EOGT: variants seen among roughly 807,000 people sequenced by gnomAD.
The protein encoded by EOGT is EGF domain-specific O-linked N-acetylglucosamine transferase.
A neutral mutation model predicts 70.5 loss-of-function variants in EOGT; 55 were observed. The observed-to-expected ratio is 0.78, with a 90% CI of 0.63 to 0.98. The LOEUF is 0.98. Among genes scored for constraint, EOGT ranks in the 50% least tolerant of loss-of-function variants. The pLI is 0.00. For missense variants in EOGT, 703 were observed against 641.9 expected (o/e 1.10, Z -1.03); for synonymous variants, 246 against 217.1 (o/e 1.13, Z -1.17).
intron 16 of EOGT, 114 bp downstream of exon 16, chr3:68,979,553 AC>A: frequency 8.5e-7 from 1 of 1,169,662 alleles, no homozygotes; most frequent in Non-Finnish European, 1.2e-6. Context: ...ATATGATGTG[AC>A]TTCTCTTTTT....
chr3:68,979,879 A>T, intron 15 of EOGT, 92 bp from the exon 16 acceptor site: 1 of 1,294,600 alleles, frequency 7.7e-7, no homozygotes, highest in Non-Finnish European at 1.1e-6. Context: ...GATATTTATA[A>T]AAGTGTATTG....
intron 6 of EOGT, 34 bp from the exon 7 acceptor site, chr3:69,005,268 A>C (rs1440608563): frequency 8.0e-7 from 1 of 1,254,362 alleles, no homozygotes; most frequent in Non-Finnish European, 1.2e-6. Flanking sequence ...AATGACTCTG[A>C]GTATTAACAC....
rs2090581250 is a variant in EOGT at position 68,979,752 on chromosome 3, T to G, written c.1250A>C (p.His417Pro). ...CATTCCAATAAATATGTCCGTGTTG[T>G]GTGTGATCCTTAGTTGATCTAAAAA... The part of the protein sequence containing the change: ...LGFLDQLRIT[H>P]NTDIFIGMHG... Residue 417 changes from histidine (H) to proline (P), a missense_variant, in exon 16 of 18, where the codon CAC (histidine) becomes CCC (proline). Transcript: ENST00000383701. 1 of 1,613,646 alleles carries G rather than the reference T, an allele frequency of 6.2e-7. No individual in the cohort carries two copies. Among genetic ancestry groups the G allele is most frequent in the African/African-American group, 1.3e-5 (1 of 75,014 alleles).
chr3:69,000,529 T>C (rs1420953969), intron 9 of EOGT, among the ~76,000 whole-genome samples: 2 of 152,192 alleles, frequency 1.3e-5, no homozygotes, highest in South Asian at 2.1e-4. Context: ...AATTTAATAC[T>C]TTGTAATATA....
At chr3:68,993,911 G>A (rs2091069130) in intron 10 of EOGT, among the ~76,000 whole-genome samples, 2 of 152,190 alleles carry the variant, frequency 1.3e-5, no homozygotes, top group South Asian at 2.1e-4. Flanking sequence ...GAATAACACA[G>A]GAAAGACTGG....
chr3:68,994,393 T>C (rs2091086004), intron 10 of EOGT, among the ~76,000 whole-genome samples: 1 of 152,072 alleles, frequency 6.6e-6, no homozygotes. Context: ...CAGTTACCCT[T>C]GGGGGAACAG....
intron 15 of EOGT, among the ~76,000 whole-genome samples, chr3:68,982,144 G>A (rs1346651437): frequency 6.6e-6 from 1 of 152,056 alleles, no homozygotes; most frequent in Non-Finnish European, 1.5e-5. Context: ...CCTGAGCCCA[G>A]GCAATCCACC....
At chr3:69,009,579 TG>T in intron 4 of EOGT, 57 bp downstream of exon 4, 1 of 1,393,894 alleles carries the variant, frequency 7.2e-7, no homozygotes, top group South Asian at 1.2e-5. Flanking sequence ...AAGCAGAACC[TG>T]TAAGCCAGCT....
chr3:68,993,341 C>T (rs906578251), intron 10 of EOGT, among the ~76,000 whole-genome samples: 1 of 152,180 alleles, frequency 6.6e-6, no homozygotes, highest in African/African-American at 2.4e-5. Flanking sequence ...TCATCTCTCT[C>T]AAGTTCAAAG....
chr3:68,984,313 A>G (rs1280095815), intron 14 of EOGT, among the ~76,000 whole-genome samples: 1 of 152,158 alleles, frequency 6.6e-6, no homozygotes, highest in Non-Finnish European at 1.5e-5. Flanking sequence ...TTGAAGGGGT[A>G]AGAAGATTAG....
chr3:68,978,571 A>C, intron 16 of EOGT, 136 bp from the exon 17 acceptor site: 2 of 588,280 alleles, frequency 3.4e-6, no homozygotes, highest in Non-Finnish European at 6.0e-6. Context: ...AAGACAGTAA[A>C]CAAGACTGAG....
intron 10 of EOGT, among the ~76,000 whole-genome samples, chr3:68,993,175 G>T (rs2091044929): frequency 6.6e-6 from 1 of 152,148 alleles, no homozygotes; most frequent in South Asian, 2.1e-4. Flanking sequence ...ATTCTCCCCA[G>T]AAAGTTGGTT....
At chr3:69,009,933 C>CAAAAAAAAAAA in intron 3 of EOGT, 73 bp from the exon 4 acceptor site, 24 of 255,146 alleles carry the variant, frequency 9.4e-5, no homozygotes, top group South Asian at 4.7e-4. Flanking sequence ...ACAACAACAA[C>CAAAAAAAAAAA]AAAAAAAAAA....
Position 68,994,174 on chromosome 3 carries a change from A to G in EOGT, c.831+3837T>C, listed in dbSNP as rs572107212. On this transcript the variant is annotated intron_variant, in intron 10 of 17. Coordinates refer to ENST00000383701, the MANE Select transcript of EOGT (RefSeq NM_001278689.2). ...ATGACTATATTGTCATAACACATAT[A>G]TAACACATATATGGAAAAGAATAGC... is the stretch of plus-strand genomic sequence containing the variant. Among the ~76,000 whole-genome samples the G allele has an allele frequency of 1.8e-4, 28 of 152,328 alleles. 1 individual carries two copies. Among genetic ancestry groups the G allele is most frequent in the African/African-American group, 6.7e-4 (28 of 41,580 alleles).
intron 14 of EOGT, among the ~76,000 whole-genome samples, chr3:68,986,482 C>A (rs1428966169): frequency 2.6e-5 from 4 of 152,202 alleles, no homozygotes; most frequent in Non-Finnish European, 5.9e-5. Context: ...CATGCCTGAC[C>A]TCTTGGATAT....
intron 10 of EOGT, among the ~76,000 whole-genome samples, chr3:68,995,149 C>G (rs903223644): frequency 2.0e-5 from 3 of 152,176 alleles, no homozygotes; most frequent in Admixed American, 2.0e-4. Flanking sequence ...CCAAGACCAT[C>G]AGGACTCTGG....
At chr3:68,985,420 T>A (rs2090777090) in intron 14 of EOGT, among the ~76,000 whole-genome samples, 1 of 152,138 alleles carries the variant, frequency 6.6e-6, no homozygotes, top group African/African-American at 2.4e-5. Flanking sequence ...TTAGTCTGTG[T>A]AAAATATTTT....
intron 6 of EOGT, among the ~76,000 whole-genome samples, chr3:69,005,818 T>C: frequency 6.6e-6 from 1 of 152,256 alleles, no homozygotes; most frequent in Non-Finnish European, 1.5e-5. Flanking sequence ...ATCTGGGTTA[T>C]GCTCAGAACT....
chr3:68,990,077 T>C (rs1001570127), intron 10 of EOGT, among the ~76,000 whole-genome samples: 7 of 152,186 alleles, frequency 4.6e-5, no homozygotes, highest in Non-Finnish European at 7.3e-5. Context: ...ATAATAATAA[T>C]AGCATCTTAC....
Sources: gnomAD v4.1 joint callset for allele counts (sites outside exome capture counted in the v4.1 genomes callset) on GRCh38, gnomAD v4.1.1 for gene constraint, MANE v1.5 for transcripts, NCBI Gene and HGNC (gene_info 2026-07-23, HGNC 2026-07-21) for gene names.